MTPAP: variants seen among roughly 807,000 people sequenced by gnomAD.
The protein encoded by MTPAP is poly(A) RNA polymerase, mitochondrial.
In MTPAP, 23 loss-of-function variants were observed where a neutral mutation model predicts 48.7. The observed-to-expected ratio is 0.47, with a 90% CI of 0.34 to 0.67. The LOEUF is 0.67. Among genes scored for constraint, MTPAP ranks in the 30% least tolerant of loss-of-function variants. The pLI is 0.01. For missense variants in MTPAP, 614 were observed against 694.3 expected (o/e 0.88, Z 1.30); for synonymous variants, 257 against 254.1 (o/e 1.01, Z -0.11).
At chr10:30,333,713 G>A (rs1379139466) in intron 4 of MTPAP, among the ~76,000 whole-genome samples, 3 of 152,044 alleles carry the variant, frequency 2.0e-5, no homozygotes, top group African/African-American at 7.2e-5. Flanking sequence ...TCAGGAGTTC[G>A]AGACCACCCT....
rs181660163 is a variant in MTPAP at position 30,309,884 on chromosome 10, A to C, written c.*3725T>G. The C allele has an allele frequency of 4.6e-5, 7 of 152,354 alleles. No individual in the cohort carries two copies. The highest frequency in any genetic ancestry group is 4.6e-4 in the Admixed American group (7 of 15,306). 9.4% of individuals were successfully genotyped at this position (152,354 alleles called of 1,614,324 possible). On this transcript the variant is annotated 3_prime_UTR_variant, in exon 9 of 9. Coordinates refer to ENST00000263063, the MANE Select transcript of MTPAP (RefSeq NM_018109.4). ...GATAATTACACACAGTTTTCCTATA[A>C]CGTTTCAGGCTAATCGTTATTTCCT...
intron 4 of MTPAP, among the ~76,000 whole-genome samples, chr10:30,333,646 T>C (rs925806847): frequency 8.5e-5 from 13 of 152,144 alleles, no homozygotes; most frequent in African/African-American, 2.9e-4. Flanking sequence ...TGGCTTACGC[T>C]TGTAATCCCT....
At chr10:30,330,018 A>G (rs1383536445) in intron 4 of MTPAP, among the ~76,000 whole-genome samples, 1 of 152,172 alleles carries the variant, frequency 6.6e-6, no homozygotes, top group Non-Finnish European at 1.5e-5. Flanking sequence ...TCCAGAATAT[A>G]TTAAATTATT....
chr10:30,337,054 A>G (rs1834738359), intron 3 of MTPAP, 27 bp from the exon 4 acceptor site: 6 of 1,560,084 alleles, frequency 3.8e-6, no homozygotes, highest in Non-Finnish European at 5.3e-6. Flanking sequence ...AAACCAACAA[A>G]ATAGAGAAAA....
Position 30,323,596 on chromosome 10 carries a change from G to A in MTPAP, c.993-979C>T, listed in dbSNP as rs187927098. Among the ~76,000 whole-genome samples, 1,057 of 152,094 alleles carry A rather than the reference G, an allele frequency of 6.9e-3. 2 individuals carry two copies. The highest frequency in any genetic ancestry group is 8.4e-3 in the African/African-American group (348 of 41,508). On this transcript the variant is annotated intron_variant, in intron 5 of 8. Transcript: ENST00000263063. ...GCGATCTTGGCTCACTGCAAGCTCCGACTCCTGGGTTCACGCCATTCTCCT... is the reference window on the plus strand; with the variant it reads ...GCGATCTTGGCTCACTGCAAGCTCCAACTCCTGGGTTCACGCCATTCTCCT...
intron 4 of MTPAP, among the ~76,000 whole-genome samples, chr10:30,329,893 C>CA (rs1235270360): frequency 6.6e-6 from 1 of 150,406 alleles, no homozygotes; most frequent in African/African-American, 2.5e-5. Context: ...ATTGAACTGC[C>CA]AAGACACTAC....
chr10:30,334,146 C>A (rs927244731), intron 4 of MTPAP, among the ~76,000 whole-genome samples: 10 of 151,966 alleles, frequency 6.6e-5, no homozygotes, highest in African/African-American at 2.4e-4. Flanking sequence ...ATAGAAATAC[C>A]TGCAAGATAC....
chr10:30,335,481 C>T (rs1475377614), intron 4 of MTPAP, among the ~76,000 whole-genome samples: 1 of 152,102 alleles, frequency 6.6e-6, no homozygotes, highest in Non-Finnish European at 1.5e-5. Flanking sequence ...GCAAGAGACT[C>T]TATCTCCAAC....
In MTPAP at chr10:30,322,586, T is replaced by A; in HGVS notation, c.1024A>T (p.Ile342Leu). ...ACTCTTGAGTCTAGGGCACCATATA[T>A]ATAAAGGAGTTCGGAACTTGTCAAG... ...IALTSSELLYIYGALDSRVRA... is the reference protein window; with the variant it reads ...IALTSSELLYLYGALDSRVRA... The change falls in exon 6 of 9, where the codon ATA becomes TTA. Residue 342 changes from isoleucine to leucine, a missense_variant. Coordinates refer to ENST00000263063, the MANE Select transcript of MTPAP (RefSeq NM_018109.4). 6.2e-7 allele frequency: 1 copy of A among 1,613,836 alleles called. No individual in the cohort carries two copies. Among genetic ancestry groups the A allele is most frequent in the Non-Finnish European group, 8.5e-7 (1 of 1,179,846 alleles).
intron 8 of MTPAP, 145 bp from the exon 9 acceptor site, chr10:30,314,116 T>C: frequency 1.0e-6 from 1 of 967,734 alleles, no homozygotes; most frequent in Non-Finnish European, 1.6e-6. Context: ...GGGGATTGAG[T>C]ATGTATGCAT....
chr10:30,333,726 G>A (rs7079823), intron 4 of MTPAP, among the ~76,000 whole-genome samples: 3,742 of 152,026 alleles, frequency 0.025, 150 homozygotes, highest in African/African-American at 0.085. Context: ...ACCACCCTGG[G>A]CAACATGATG....
Position 30,337,046 on chromosome 10 carries a change from A to G in MTPAP, c.556-19T>C. The G allele has an allele frequency of 3.2e-6, 5 of 1,585,398 alleles. No individual in the cohort carries two copies. Among genetic ancestry groups the G allele is most frequent in the Non-Finnish European group, 4.3e-6 (5 of 1,155,408 alleles). Reference sequence around the variant, plus strand: ...CGTCTATCTAGCTAGCCGAAACAAAACCAACAAAATAGAGAAAAAGTACAG... The same window carrying G: ...CGTCTATCTAGCTAGCCGAAACAAAGCCAACAAAATAGAGAAAAAGTACAG... On this transcript the variant is annotated intron_variant, in intron 3 of 8. Transcript: ENST00000263063.
At chr10:30,315,289 AT>A (rs1230038192) in intron 8 of MTPAP, among the ~76,000 whole-genome samples, 1 of 152,212 alleles carries the variant, frequency 6.6e-6, no homozygotes, top group East Asian at 1.9e-4. Context: ...AGGAGAAAGT[AT>A]ATCTGGGTTT....
In MTPAP at chr10:30,313,527, A is replaced by G. The variant is rs551659305; in HGVS notation, c.*82T>C. 6.9e-5 allele frequency: 108 copies of G among 1,557,574 alleles called. No individual in the cohort carries two copies. The South Asian group carries it at 1.0e-3, about 14-fold the overall frequency. On this transcript the variant is annotated 3_prime_UTR_variant, in exon 9 of 9. Coordinates refer to ENST00000263063, the MANE Select transcript of MTPAP (RefSeq NM_018109.4). ...CATCAGATGAAAGCTGAGATCTGTG[A>G]AAGTTTCAAATCAGTTTTTCCAAGT...
At chr10:30,338,470 T>TA (rs1323574039) in intron 3 of MTPAP, among the ~76,000 whole-genome samples, 1 of 149,730 alleles carries the variant, frequency 6.7e-6, no homozygotes, top group Non-Finnish European at 1.5e-5. Context: ...GATCAGGAGT[T>TA]AGAGACCAGC....
At position 30,349,142 on chromosome 10, in the gene MTPAP, T is replaced by G. The variant is rs1834904790; in HGVS notation, c.134A>C (p.Gln45Pro). ...ACCTGTCTCCACGCTCCCTGAAGGC[T>G]GCTCGTCTCTCCTAAGGTCTTTGGC... ...TVAKDLRRDE[Q>P]PSGSVETGFE... The change falls in exon 1 of 9, where the codon CAG becomes CCG. Residue 45 changes from glutamine (Q) to proline (P), a missense_variant. Physicochemically the swap from Gln to Pro is moderately conservative, Grantham distance 76. Transcript: ENST00000263063. 6.2e-7 allele frequency: 1 copy of G among 1,613,730 alleles called. No individual in the cohort carries two copies. Among genetic ancestry groups the G allele is most frequent in the Non-Finnish European group, 8.5e-7 (1 of 1,179,842 alleles).
chr10:30,336,939 T>C lies in MTPAP; in HGVS notation c.644A>G (p.Glu215Gly). 2 of 1,613,604 alleles carry C rather than the reference T, an allele frequency of 1.2e-6. No individual in the cohort carries two copies. Residue 215 changes from glutamate to glycine, a missense_variant, in exon 4 of 9, where the codon GAA becomes GGA. By Grantham distance (98) the Glu-to-Gly change is moderately conservative. Transcript: ENST00000263063. ...TGGAAAATACGCGGCGGCCATGTCT[T>C]CAATAAGAGAACAGGTGAGATATCG... ...KLRYLTCSLI[E>G]DMAAAYFPDC...
chr10:30,340,415 T>A lies in MTPAP; in HGVS notation c.366A>T (p.Glu122Asp). ...LYAVVEFCQK[E>D]SIGSLQNGTH... ...TCCCATTCTGCAGTGAACCTATGCTTTCCTTTTGGCAAAATTCTACGACAG... is the reference window on the plus strand; with the variant it reads ...TCCCATTCTGCAGTGAACCTATGCTATCCTTTTGGCAAAATTCTACGACAG... Residue 122 changes from glutamate to aspartate, a missense_variant, in exon 3 of 9, where the codon GAA becomes GAT. Transcript: ENST00000263063. The A allele has an allele frequency of 1.2e-6, 2 of 1,614,146 alleles. No individual in the cohort carries two copies. Among genetic ancestry groups the A allele is most frequent in the Non-Finnish European group, 1.7e-6 (2 of 1,180,022 alleles).
rs144273127 is a variant in MTPAP, at chr10:30,342,236, A to C, written c.158-596T>G. On this transcript the variant is annotated intron_variant, in intron 1 of 8. Transcript: ENST00000263063. The stretch of plus-strand genomic sequence containing the variant: ...GGGCAACAGAGCGAGACTCTGTCTC[A>C]AAAAAAAGAGACAGAGATTAACAAC... Among the ~76,000 whole-genome samples, 586 of 151,948 alleles carry C rather than the reference A, an allele frequency of 3.9e-3. 3 individuals carry two copies. Among genetic ancestry groups the C allele is most frequent in the African/African-American group, 0.013 (537 of 41,498 alleles).
Sources: gnomAD v4.1 joint callset for allele counts (sites outside exome capture counted in the v4.1 genomes callset) on GRCh38, gnomAD v4.1.1 for gene constraint, MANE v1.5 for transcripts, NCBI Gene and HGNC (gene_info 2026-07-23, HGNC 2026-07-21) for gene names.